DMD: variants seen among roughly 807,000 people sequenced by gnomAD.
The protein encoded by DMD is dystrophin, also known as mutant dystrophin.
A neutral mutation model predicts 330.1 loss-of-function variants in DMD; 63 were observed. That is an observed-to-expected ratio of 0.19 (90% CI 0.16 to 0.24). The LOEUF (loss-of-function observed/expected upper bound fraction) is 0.24. Among genes scored for constraint, DMD ranks in the 10% least tolerant of loss-of-function variants. DMD has a pLI of 1.00. For missense variants in DMD, 3,344 were observed against 2,684.1 expected (o/e 1.25, Z -5.43); for synonymous variants, 1,223 against 959.8 (o/e 1.27, Z -5.07).
At chrX:33,208,394 G>A (rs1258727131) in intron 1 of DMD, among the ~76,000 whole-genome samples, 2 of 110,757 alleles carry the variant, frequency 1.8e-5, no homozygotes, top group Admixed American at 9.6e-5. Context: ...AACTATTAAA[G>A]CCTTACTTAC....
intron 7 of DMD, among the ~76,000 whole-genome samples, chrX:32,789,838 T>C (rs756892548): frequency 6.2e-5 from 7 of 112,246 alleles, no homozygotes; most frequent in Non-Finnish European, 1.1e-4. Context: ...TCACTGATGA[T>C]AAATTAGAAA....
chrX:32,119,781 G>A (rs1206885179), intron 44 of DMD, among the ~76,000 whole-genome samples: 1 of 112,203 alleles, frequency 8.9e-6, no homozygotes, highest in Non-Finnish European at 1.9e-5. Context: ...ACATCTGATT[G>A]ATGTTTATCT....
chrX:32,664,157 G>C (rs1327595366), intron 9 of DMD, among the ~76,000 whole-genome samples: 1 of 110,730 alleles, frequency 9.0e-6, no homozygotes, highest in East Asian at 2.9e-4. Flanking sequence ...ATTTAGACCA[G>C]AGGTGATGGT....
intron 62 of DMD, among the ~76,000 whole-genome samples, chrX:31,320,770 T>G (rs981052551): frequency 8.9e-6 from 1 of 112,391 alleles, no homozygotes; most frequent in Non-Finnish European, 1.9e-5. Context: ...ACACTCATAT[T>G]TGAGAAATTA....
intron 1 of DMD, among the ~76,000 whole-genome samples, chrX:33,261,524 C>T (rs2052954973): frequency 9.2e-6 from 1 of 109,174 alleles, no homozygotes; most frequent in Non-Finnish European, 1.9e-5. Flanking sequence ...CAAAAGTTCA[C>T]CCAGCAATCA....
intron 52 of DMD, among the ~76,000 whole-genome samples, chrX:31,719,549 T>A (rs980374019): frequency 2.7e-5 from 3 of 111,385 alleles, no homozygotes; most frequent in African/African-American, 9.8e-5. Flanking sequence ...TTTTGGTGGG[T>A]TCTTGTTTCT....
At chrX:31,903,385 A>C (rs1463440589) in intron 47 of DMD, among the ~76,000 whole-genome samples, 2 of 111,772 alleles carry the variant, frequency 1.8e-5, no homozygotes, top group African/African-American at 6.5e-5. Context: ...TTTTTGTTCA[A>C]ATAAAAAACT....
chrX:33,282,124 G>T (rs1465504761), intron 1 of DMD, among the ~76,000 whole-genome samples: 2 of 110,636 alleles, frequency 1.8e-5, no homozygotes, highest in African/African-American at 6.6e-5. Flanking sequence ...GTTTGCCCAG[G>T]TATCTCTGGG....
In DMD at chrX:31,264,340, T is replaced by C. The variant is rs148548941; in HGVS notation, c.9225-3324A>G. ...TGCATTTCACTCTCCACATCGGAAA[T>C]ACACTCCCCATATACCATGAACAAC... On this transcript the variant is annotated intron_variant, in intron 62 of 78. Transcript: ENST00000357033. Among the ~76,000 whole-genome samples the C allele has an allele frequency of 1.5e-4, 17 of 111,898 alleles. No homozygotes were observed. The East Asian group carries it at 3.7e-3, about 24-fold the overall frequency.
At chrX:32,999,489 G>T (rs1438956245) in intron 2 of DMD, among the ~76,000 whole-genome samples, 1 of 111,378 alleles carries the variant, frequency 9.0e-6, no homozygotes, top group Non-Finnish European at 1.9e-5. Context: ...AACATGTTAC[G>T]TTTAACATGT....
chrX:31,702,633 A>G (rs1370887001), intron 52 of DMD, among the ~76,000 whole-genome samples: 1 of 111,032 alleles, frequency 9.0e-6, no homozygotes, highest in Non-Finnish European at 1.9e-5. Flanking sequence ...GCGGAACACA[A>G]CCTTGTCTGT....
At chrX:32,315,720 G>A (rs1309110482) in intron 41 of DMD, among the ~76,000 whole-genome samples, 3 of 110,867 alleles carry the variant, frequency 2.7e-5, no homozygotes, top group South Asian at 3.8e-4. Context: ...CTCTCCACCT[G>A]ACCCCATGTG....
In DMD at chrX:32,475,851, G is replaced by A. The variant is rs186533492; in HGVS notation, c.2804-3542C>T. On this transcript the variant is annotated intron_variant, in intron 21 of 78. Coordinates refer to ENST00000357033, the MANE Select transcript of DMD (RefSeq NM_004006.3). ...CTGACAGTTTGACTTCCTCTTTACC[G>A]ATTTGGATGCCCTTTATTTCTTTCT... Among the ~76,000 whole-genome samples, 235 of 110,739 alleles carry A rather than the reference G, an allele frequency of 2.1e-3. 1 individual carries two copies. The highest frequency in any genetic ancestry group is 2.6e-3 in the Admixed American group (27 of 10,290).
At chrX:32,322,488 A>G (rs764230167) in intron 41 of DMD, among the ~76,000 whole-genome samples, 27 of 111,250 alleles carry the variant, frequency 2.4e-4, no homozygotes, top group Non-Finnish European at 4.9e-4. Context: ...TCCTGAGCCT[A>G]GGAGTTGGTG....
chrX:32,468,789 T>G lies in DMD; in HGVS notation c.2950-79A>C, dbSNP rs2148461583. The G allele has an allele frequency of 3.6e-6, 3 of 825,710 alleles. No homozygotes were observed. The East Asian group carries it at 1.0e-4, about 28-fold the overall frequency. 68.0% of individuals were successfully genotyped at this position (825,710 alleles called of 1,213,427 possible). ...GAGTTTTAGTGAAATTAACTGTACT[T>G]GAAATCTATATGATTCAAACATGTA... On this transcript the variant is annotated intron_variant, in intron 22 of 78. Transcript: ENST00000357033.
chrX:32,868,062 T>A (rs774640640), intron 2 of DMD, among the ~76,000 whole-genome samples: 109 of 109,381 alleles, frequency 1.0e-3, no homozygotes, highest in Non-Finnish European at 1.8e-3. Context: ...GACTAGGCAG[T>A]TGGCATGAGA....
At position 32,454,631 on chromosome X, in the gene DMD, T is replaced by C. The variant is rs202101704; in HGVS notation, c.3603+31A>G. ...TTTCTTTTTCCATTTATTTCCTTTG[T>C]TTTACTTAGTTTTTCTTTTTTTTTT... On this transcript the variant is annotated intron_variant, in intron 26 of 78. Coordinates refer to ENST00000357033, the MANE Select transcript of DMD (RefSeq NM_004006.3). 5.0e-3 allele frequency: 5,437 copies of C among 1,083,563 alleles called. 15 individuals are homozygous for C. Among genetic ancestry groups the C allele is most frequent in the Non-Finnish European group, 6.0e-3 (4,816 of 806,430 alleles). 89.3% of individuals were successfully genotyped at this position (1,083,563 alleles called of 1,213,427 possible).
intron 2 of DMD, among the ~76,000 whole-genome samples, chrX:32,921,637 T>G (rs2088419593): frequency 9.0e-6 from 1 of 111,685 alleles, no homozygotes; most frequent in Non-Finnish European, 1.9e-5. Flanking sequence ...AGAAGGAGGA[T>G]AACTAGGAGG....
At chrX:32,346,704 A>G (rs1362391146) in intron 38 of DMD, among the ~76,000 whole-genome samples, 1 of 111,890 alleles carries the variant, frequency 8.9e-6, no homozygotes, top group African/African-American at 3.2e-5. Context: ...TGTTAATTTA[A>G]ATACGATCAA....
Sources: allele counts gnomAD v4.1 joint callset (sites outside exome capture counted in the v4.1 genomes callset), GRCh38; gene constraint gnomAD v4.1.1; transcripts MANE v1.5; gene names NCBI Gene and HGNC (gene_info 2026-07-23, HGNC 2026-07-21).